EYS: variants seen among roughly 807,000 people sequenced by gnomAD.
EYS encodes the protein EGF-like photoreceptor maintenance factor.
EYS carries 250 observed loss-of-function variants against 282.1 expected under a neutral mutation model. The ratio of observed to expected loss-of-function variants is 0.89; its 90% CI spans 0.80 to 0.98. The LOEUF (loss-of-function observed/expected upper bound fraction) is 0.98. Among genes scored for constraint, EYS ranks in the 50% least tolerant of loss-of-function variants. The pLI, the probability that EYS is intolerant of heterozygous loss-of-function variation, is 0.00. For missense variants in EYS, 4,016 were observed against 3,709.0 expected (o/e 1.08, Z -2.15); for synonymous variants, 1,355 against 1,282.9 (o/e 1.06, Z -1.20).
chr6:64,062,777 G>A (rs1771222709), intron 33 of EYS, among the ~76,000 whole-genome samples: 1 of 151,308 alleles, frequency 6.6e-6, no homozygotes, highest in African/African-American at 2.4e-5. Context: ...TACTCAACTG[G>A]TAATTCCAAT....
chr6:63,874,878 T>A (rs1422592511), intron 35 of EYS, among the ~76,000 whole-genome samples: 1 of 152,188 alleles, frequency 6.6e-6, no homozygotes, highest in Non-Finnish European at 1.5e-5. Flanking sequence ...TGGGCTGAGA[T>A]GATGGAGTTT....
chr6:63,726,752 A>G lies in EYS; in HGVS notation c.8072-72T>C, dbSNP rs1768631559. On this transcript the variant is annotated intron_variant, in intron 41 of 42. Transcript: ENST00000503581. ...AAAAAACATTGCTCATAAATACAAT[A>G]AACTGCTTATGTAATTTTGTAATTT... 11 of 1,314,452 alleles carry G rather than the reference A, an allele frequency of 8.4e-6. No homozygotes were observed. The South Asian group carries it at 1.5e-4, about 18-fold the overall frequency. 81.4% of individuals were successfully genotyped at this position (1,314,452 alleles called of 1,614,324 possible).
chr6:64,089,411 A>G (rs1460953760), intron 31 of EYS, among the ~76,000 whole-genome samples: 4 of 149,698 alleles, frequency 2.7e-5, no homozygotes, highest in Non-Finnish European at 3.0e-5. Context: ...ATAAGAATCA[A>G]TTTATAATTT....
intron 9 of EYS, among the ~76,000 whole-genome samples, chr6:65,346,348 AAAAC>A (rs919051998): frequency 1.3e-5 from 2 of 151,640 alleles, no homozygotes; most frequent in Admixed American, 6.6e-5. Flanking sequence ...GAAGAAAATT[AAAAC>A]AAACAAAACT....
intron 31 of EYS, among the ~76,000 whole-genome samples, chr6:64,205,614 T>G (rs1249723355): frequency 6.6e-6 from 1 of 152,188 alleles, no homozygotes; most frequent in Non-Finnish European, 1.5e-5. Context: ...CATACAGTTT[T>G]GTTCAGGATA....
chr6:64,365,692 C>T (rs142043551), intron 29 of EYS, among the ~76,000 whole-genome samples: 132 of 152,004 alleles, frequency 8.7e-4, no homozygotes, highest in Non-Finnish European at 1.7e-3. Context: ...TACATATATA[C>T]CTATGATAAA....
intron 5 of EYS, among the ~76,000 whole-genome samples, chr6:65,420,423 C>T (rs1767411209): frequency 6.6e-6 from 1 of 151,932 alleles, no homozygotes; most frequent in Admixed American, 6.6e-5. Flanking sequence ...ATTCATTCAC[C>T]TCTTTAGGCT....
intron 5 of EYS, among the ~76,000 whole-genome samples, chr6:65,438,603 G>A (rs1413119552): frequency 6.6e-6 from 1 of 152,036 alleles, no homozygotes; most frequent in Non-Finnish European, 1.5e-5. Flanking sequence ...TTCTCTGATG[G>A]CCAGTGATGA....
Position 64,877,959 on chromosome 6 carries a change from G to T in EYS, c.2992+8738C>A, listed in dbSNP as rs146802355. On this transcript the variant is annotated intron_variant, in intron 19 of 42. Coordinates refer to ENST00000503581, the MANE Select transcript of EYS (RefSeq NM_001142800.2). ...TCCTTAACAATAAATGAGGCTGGGT[G>T]CAGTGGCTCATGCCTGTAATCCCAG... 5.9e-5 allele frequency among the ~76,000 whole-genome samples: 9 copies of T among 152,292 alleles called. No individual in the cohort carries two copies. In the South Asian group the frequency reaches 1.9e-3, roughly 32 times the overall value.
At chr6:64,405,711 G>T (rs187729720) in intron 28 of EYS, among the ~76,000 whole-genome samples, 1 of 152,166 alleles carries the variant, frequency 6.6e-6, no homozygotes, top group Non-Finnish European at 1.5e-5. Flanking sequence ...CAAATCATGG[G>T]TGAACTCCCT....
chr6:64,571,822 T>G (rs1300799307), intron 26 of EYS, among the ~76,000 whole-genome samples: 1 of 152,150 alleles, frequency 6.6e-6, no homozygotes, highest in African/African-American at 2.4e-5. Context: ...ATCAGATCGA[T>G]TCACAGGTAA....
intron 22 of EYS, among the ~76,000 whole-genome samples, chr6:64,686,763 GTGTGTATATATATATATATATATA>G (rs1562133665): frequency 0.059 from 505 of 8,592 alleles, 54 homozygotes; most frequent in African/African-American, 0.087. Flanking sequence ...ATATATATAT[GTGTGTATATATATATATATATATA>G]TGTGTGTATA....
chr6:64,576,911 G>C (rs535001558), intron 26 of EYS, among the ~76,000 whole-genome samples: 3 of 152,180 alleles, frequency 2.0e-5, no homozygotes, highest in East Asian at 3.9e-4. Flanking sequence ...TTTATAAATA[G>C]AGTTATTAGA....
intron 5 of EYS, among the ~76,000 whole-genome samples, chr6:65,480,219 A>G (rs1765559601): frequency 6.6e-6 from 1 of 151,976 alleles, no homozygotes; most frequent in Non-Finnish European, 1.5e-5. Context: ...GACAGAGAAA[A>G]ATATTTGTAT....
intron 28 of EYS, among the ~76,000 whole-genome samples, chr6:64,393,683 TG>T (rs1427781949): frequency 5.9e-5 from 9 of 151,506 alleles, no homozygotes; most frequent in Non-Finnish European, 1.0e-4. Flanking sequence ...TCATACTGAA[TG>T]GGCAAAAACT....
intron 35 of EYS, among the ~76,000 whole-genome samples, chr6:63,962,930 TA>T (rs1490102952): frequency 1.3e-5 from 2 of 151,980 alleles, no homozygotes; most frequent in Non-Finnish European, 2.9e-5. Context: ...TTTGCAGCCA[TA>T]AAAAAGAATG....
intron 26 of EYS, among the ~76,000 whole-genome samples, chr6:64,532,601 C>T (rs375332187): frequency 6.6e-6 from 1 of 151,942 alleles, no homozygotes; most frequent in Admixed American, 6.6e-5. Flanking sequence ...CCCAGCTACT[C>T]GGGAGGCTGA....
intron 2 of EYS, among the ~76,000 whole-genome samples, chr6:65,506,998 G>C (rs964940923): frequency 6.6e-6 from 1 of 151,972 alleles, no homozygotes; most frequent in East Asian, 1.9e-4. Context: ...GGAAAAGAAG[G>C]CATTTTGTTT....
intron 13 of EYS, among the ~76,000 whole-genome samples, chr6:65,022,443 A>G (rs931625755): frequency 1.1e-4 from 17 of 152,182 alleles, no homozygotes; most frequent in Admixed American, 1.3e-4. Flanking sequence ...TGATGATGAC[A>G]TCTTGGCTAG....
Sources: gnomAD v4.1 joint callset for allele counts (sites outside exome capture counted in the v4.1 genomes callset) on GRCh38, gnomAD v4.1.1 for gene constraint, MANE v1.5 for transcripts, NCBI Gene and HGNC (gene_info 2026-07-23, HGNC 2026-07-21) for gene names.